Variants in ZNF608 observed in about 807,000 individuals in gnomAD.
ZNF608 encodes zinc finger protein 608.
ZNF608 carries 12 observed loss-of-function variants against 109.0 expected under a neutral mutation model. The observed-to-expected ratio is 0.11, with a 90% CI of 0.07 to 0.18. The LOEUF (loss-of-function observed/expected upper bound fraction) is 0.18, where lower values mean the gene tolerates loss of function less well. ZNF608 is among the 10% of genes least tolerant of loss of function. ZNF608 has a pLI of 1.00. For missense variants in ZNF608, 1,707 were observed against 1,879.3 expected (o/e 0.91, Z 1.70); for synonymous variants, 732 against 717.4 (o/e 1.02, Z -0.33).
intron 5 of ZNF608, among the ~76,000 whole-genome samples, chr5:124,645,642 G>C (rs765098700): frequency 6.6e-6 from 1 of 152,106 alleles, no homozygotes; most frequent in South Asian, 2.1e-4. Flanking sequence ...AGTGGGTCAG[G>C]ATGTCTGAAC....
chr5:124,649,797 CT>C, intron 3 of ZNF608, 100 bp from the exon 4 acceptor site: 1 of 709,966 alleles, frequency 1.4e-6, no homozygotes, highest in Non-Finnish European at 2.3e-6. Flanking sequence ...CCAGCAAGTT[CT>C]ATTCTCATTT....
chr5:124,721,452 A>G (rs1232039260), intron 2 of ZNF608, among the ~76,000 whole-genome samples: 1 of 152,202 alleles, frequency 6.6e-6, no homozygotes, highest in East Asian at 1.9e-4. Context: ...CCAGGCTGGC[A>G]GGGGAAACAT....
At chr5:124,693,412 A>T (rs1752695789) in intron 3 of ZNF608, among the ~76,000 whole-genome samples, 1 of 152,228 alleles carries the variant, frequency 6.6e-6, no homozygotes, top group Non-Finnish European at 1.5e-5. Flanking sequence ...ATATTACAAG[A>T]TAGCGCTTAC....
chr5:124,694,188 G>A (rs1247499342), intron 3 of ZNF608, among the ~76,000 whole-genome samples: 1 of 135,116 alleles, frequency 7.4e-6, no homozygotes, highest in Non-Finnish European at 1.6e-5. Flanking sequence ...TAGAGACGGG[G>A]TTTCACCGTG....
Position 124,744,858 on chromosome 5 carries a change from G to A in ZNF608, c.132C>T (p.Asp44=). 1 of 1,614,146 alleles carries A rather than the reference G, an allele frequency of 6.2e-7. No homozygotes were observed. Among genetic ancestry groups the A allele is most frequent in the East Asian group, 2.2e-5 (1 of 44,880 alleles). The change falls in exon 2 of 10, where the codon GAC becomes GAT. Residue 44 remains aspartate (D), a synonymous_variant. Coordinates refer to ENST00000513986, the MANE Select transcript of ZNF608 (RefSeq NM_020747.3). This position sits in a 1 kb window ranked among gnomAD's most constrained non-coding sequence, Gnocchi z 4.5. ...IIDLDADLEK[D]RQKFEMNNST... ...AATTATTCATCTCAAATTTCTGTCTGTCCTTCTCCAAATCAGCGTCCAAAT... is the reference window on the plus strand; with the variant it reads ...AATTATTCATCTCAAATTTCTGTCTATCCTTCTCCAAATCAGCGTCCAAAT...
intron 3 of ZNF608, among the ~76,000 whole-genome samples, chr5:124,694,994 GTTGAGGCTCACCAC>G (rs1448784195): frequency 1.3e-5 from 2 of 152,154 alleles, no homozygotes; most frequent in East Asian, 1.9e-4. Context: ...TAGAGTTCAT[GTTGAGGCTCACCAC>G]TTGACCCTTT....
At chr5:124,742,086 T>C (rs942422251) in intron 2 of ZNF608, among the ~76,000 whole-genome samples, 2 of 152,130 alleles carry the variant, frequency 1.3e-5, no homozygotes, top group African/African-American at 2.4e-5. Context: ...ATGTAATTCA[T>C]ATTTATCACA....
At chr5:124,740,028 G>A (rs1436993901) in intron 2 of ZNF608, among the ~76,000 whole-genome samples, 1 of 152,116 alleles carries the variant, frequency 6.6e-6, no homozygotes, top group Non-Finnish European at 1.5e-5. Flanking sequence ...TTAACCTCAC[G>A]ACATTTGGAC....
At chr5:124,686,921 T>C (rs1399336286) in intron 3 of ZNF608, among the ~76,000 whole-genome samples, 2 of 152,230 alleles carry the variant, frequency 1.3e-5, no homozygotes, top group Non-Finnish European at 2.9e-5. Context: ...TGGGCAATTT[T>C]TTTTCCTTGT....
At chr5:124,727,670 A>AC (rs11378306) in intron 2 of ZNF608, among the ~76,000 whole-genome samples, 6 of 146,112 alleles carry the variant, frequency 4.1e-5, no homozygotes, top group Non-Finnish European at 7.5e-5. Flanking sequence ...AAAAAAAAAA[A>AC]CCACACACAT....
At chr5:124,659,523 A>G (rs1186828201) in intron 3 of ZNF608, among the ~76,000 whole-genome samples, 1 of 152,202 alleles carries the variant, frequency 6.6e-6, no homozygotes, top group African/African-American at 2.4e-5. Flanking sequence ...TGCAAAGGAA[A>G]TAAAATGTAA....
At chr5:124,683,623 G>C (rs1752290415) in intron 3 of ZNF608, among the ~76,000 whole-genome samples, 1 of 152,132 alleles carries the variant, frequency 6.6e-6, no homozygotes, top group Non-Finnish European at 1.5e-5. Flanking sequence ...TGAAGGGAAA[G>C]GTGAAATATG....
At chr5:124,653,019 G>A (rs918395662) in intron 3 of ZNF608, among the ~76,000 whole-genome samples, 2 of 152,192 alleles carry the variant, frequency 1.3e-5, no homozygotes, top group Non-Finnish European at 2.9e-5. Flanking sequence ...TTATATTCAA[G>A]TATTCTACCA....
In ZNF608 at chr5:124,744,819, A is replaced by AGTG. The variant is rs768807839; in HGVS notation, c.168_170dup (p.Thr57dup). On this transcript the variant is annotated inframe_insertion, in exon 2 of 10. Coordinates refer to ENST00000513986, the MANE Select transcript of ZNF608 (RefSeq NM_020747.3). This position sits in a 1 kb window ranked among gnomAD's most constrained non-coding sequence, Gnocchi z 4.5. ...CACAATCCTTGGAGTTGCTGCTACT[A>AGTG]GTGGTGGTGGTGGAATTATTCATCT... The AGTG allele has an allele frequency of 1.1e-5, 18 of 1,614,174 alleles. No individual in the cohort carries two copies. Among genetic ancestry groups the AGTG allele is most frequent in the Non-Finnish European group, 1.4e-5 (16 of 1,180,010 alleles).
At chr5:124,709,877 C>A (rs942493233) in intron 2 of ZNF608, among the ~76,000 whole-genome samples, 4 of 152,200 alleles carry the variant, frequency 2.6e-5, no homozygotes, top group African/African-American at 9.7e-5. Flanking sequence ...ATCCTTTGCA[C>A]AAGGCCCTTT....
chr5:124,684,848 A>T (rs1169382839), intron 3 of ZNF608, among the ~76,000 whole-genome samples: 2 of 152,234 alleles, frequency 1.3e-5, no homozygotes, highest in Non-Finnish European at 2.9e-5. Flanking sequence ...TCTCAAAAAC[A>T]GTTTGTCCAA....
At chr5:124,688,964 A>G (rs966764957) in intron 3 of ZNF608, among the ~76,000 whole-genome samples, 3 of 152,254 alleles carry the variant, frequency 2.0e-5, no homozygotes, top group African/African-American at 4.8e-5. Flanking sequence ...AGGTTAATAT[A>G]CAAAAAGTCA....
chr5:124,650,013 C>A (rs1750710470), intron 3 of ZNF608, among the ~76,000 whole-genome samples: 1 of 152,256 alleles, frequency 6.6e-6, no homozygotes, highest in Non-Finnish European at 1.5e-5. Context: ...CAGCAACACT[C>A]ACCTCTTAAT....
At position 124,647,903 on chromosome 5, in the gene ZNF608, C is replaced by T. The variant is rs374235122; in HGVS notation, c.2481G>A (p.Thr827=). Residue 827 remains threonine, a synonymous_variant, in exon 5 of 10, where the codon ACG becomes ACA. Coordinates refer to ENST00000513986, the MANE Select transcript of ZNF608 (RefSeq NM_020747.3). ...RKLKDKEGKE[T]GSPKMDAKLG... Reference sequence around the variant, plus strand: ...GCTTGGCATCCATTTTTGGGCTTCCCGTCTCTTTCCCTTCTTTGTCCTTTA... The same window carrying T: ...GCTTGGCATCCATTTTTGGGCTTCCTGTCTCTTTCCCTTCTTTGTCCTTTA... The T allele has an allele frequency of 1.4e-5, 23 of 1,614,038 alleles. No homozygotes were observed. The African/African-American group carries it at 1.7e-4, about 12-fold the overall frequency.
Sources: allele counts gnomAD v4.1 joint callset (sites outside exome capture counted in the v4.1 genomes callset), GRCh38; gene constraint gnomAD v4.1.1; non-coding constraint Gnocchi (gnomAD v3.1); transcripts MANE v1.5; gene names NCBI Gene and HGNC (gene_info 2026-07-23, HGNC 2026-07-21).